Variants in DUSP22 observed in about 807,000 individuals in gnomAD.
The protein encoded by DUSP22 is dual specificity phosphatase 22.
In DUSP22, 24 loss-of-function variants were observed where a neutral mutation model predicts 24.5. That is an observed-to-expected ratio of 0.98 (90% CI 0.71 to 1.38). DUSP22 has a LOEUF of 1.38. DUSP22 is among the 40% of genes most tolerant of loss of function. The probability of loss-of-function intolerance (pLI) is 0.00; values close to 1 mark genes in which losing one functional copy is unlikely to be tolerated. For synonymous variants in DUSP22, 160 were observed against 106.4 expected, an observed-to-expected ratio of 1.50 and a Z score of -3.10; for missense variants, 330 against 269.2, an observed-to-expected ratio of 1.23 and a Z score of -1.58.
intron 2 of DUSP22, 40 bp from the exon 3 acceptor site, chr6:311,840 C>A: frequency 1.3e-6 from 2 of 1,582,510 alleles, no homozygotes; most frequent in Non-Finnish European, 1.7e-6. Context: ...AATTAACTTG[C>A]AAAGATATCA....
At chr6:295,445 A>G (rs1757280809) in intron 1 of DUSP22, among the ~76,000 whole-genome samples, 1 of 152,272 alleles carries the variant, frequency 6.6e-6, no homozygotes, top group African/African-American at 2.4e-5. Flanking sequence ...ATGGAGGGGA[A>G]AAAGGCTTTT....
chr6:332,518 A>G (rs1232091051), intron 3 of DUSP22, among the ~76,000 whole-genome samples: 7 of 152,300 alleles, frequency 4.6e-5, no homozygotes, highest in Admixed American at 3.9e-4. Context: ...GGGTGCCACA[A>G]AGGGGAACAC....
At chr6:315,277 G>C (rs553111219) in intron 3 of DUSP22, among the ~76,000 whole-genome samples, 1 of 152,298 alleles carries the variant, frequency 6.6e-6, no homozygotes, top group African/African-American at 2.4e-5. Context: ...GCTCTGACCC[G>C]TTTCTATGCC....
chr6:320,619 C>T (rs1309959013), intron 3 of DUSP22, among the ~76,000 whole-genome samples: 1 of 152,300 alleles, frequency 6.6e-6, no homozygotes, highest in East Asian at 1.9e-4. Flanking sequence ...GCAAGGGCTG[C>T]ATGGTCATGG....
At chr6:300,911 G>C (rs1295923700) in intron 1 of DUSP22, among the ~76,000 whole-genome samples, 1 of 152,306 alleles carries the variant, frequency 6.6e-6, no homozygotes, top group Non-Finnish European at 1.5e-5. Flanking sequence ...GCTGTAAGTG[G>C]TCAGTGAGAG....
intron 1 of DUSP22, among the ~76,000 whole-genome samples, chr6:295,948 T>A (rs894217001): frequency 2.0e-5 from 3 of 152,282 alleles, no homozygotes; most frequent in Non-Finnish European, 4.4e-5. Context: ...AGAGGTTAGG[T>A]AGCATAAGTA....
At chr6:315,989 G>A (rs1304757971) in intron 3 of DUSP22, among the ~76,000 whole-genome samples, 3 of 152,306 alleles carry the variant, frequency 2.0e-5, no homozygotes, top group Non-Finnish European at 4.4e-5. Context: ...CAGAGAATGA[G>A]ATCCTTCTTC....
Position 350,542 on chromosome 6 carries a change from A to G in DUSP22, c.*1591A>G. On this transcript the variant is annotated 3_prime_UTR_variant, in exon 7 of 7. Coordinates refer to ENST00000419235, the MANE Select transcript of DUSP22 (RefSeq NM_001286555.3). The stretch of plus-strand genomic sequence containing the variant: ...AAGGTGAGCTTTTTGGGGACCGGGA[A>G]AAACAAAGTTGCCTGATTCCGCGCA... The G allele has an allele frequency of 1.5e-6, 2 of 1,349,144 alleles. No homozygotes were observed. The highest frequency in any genetic ancestry group is 3.1e-5 in the East Asian group (1 of 32,206). 83.6% of individuals were successfully genotyped at this position (1,349,144 alleles called of 1,614,324 possible). A position where few individuals can be genotyped will look rare whatever the true frequency, so the allele number is the denominator to read the frequency against.
chr6:318,917 G>T (rs547499542), intron 3 of DUSP22, among the ~76,000 whole-genome samples: 1 of 152,426 alleles, frequency 6.6e-6, no homozygotes, highest in East Asian at 1.9e-4. Flanking sequence ...TAAGTCCACT[G>T]TTAAGAAAAG....
chr6:302,239 C>T (rs560061395), intron 1 of DUSP22, among the ~76,000 whole-genome samples: 30 of 152,418 alleles, frequency 2.0e-4, no homozygotes, highest in Admixed American at 6.5e-4. Flanking sequence ...AGTTAAAACG[C>T]GTAAGATCGT....
At chr6:330,031 A>G (rs1312411884) in intron 3 of DUSP22, among the ~76,000 whole-genome samples, 1 of 152,286 alleles carries the variant, frequency 6.6e-6, no homozygotes, top group Non-Finnish European at 1.5e-5. Context: ...GTGTGAATAC[A>G]GAGTGTGTGT....
At chr6:338,330 AC>A (rs764509281) in intron 4 of DUSP22, among the ~76,000 whole-genome samples, 98 of 152,376 alleles carry the variant, frequency 6.4e-4, no homozygotes, top group South Asian at 1.4e-3. Context: ...GTTTCTTTTT[AC>A]CTGTTACAAG....
At chr6:334,060 C>T (rs1382735399) in intron 3 of DUSP22, among the ~76,000 whole-genome samples, 2 of 152,302 alleles carry the variant, frequency 1.3e-5, no homozygotes, top group Admixed American at 6.5e-5. Flanking sequence ...ATTAAAAATG[C>T]AGAAATTATT....
chr6:303,058 C>T (rs1757657676), intron 1 of DUSP22, among the ~76,000 whole-genome samples: 1 of 152,302 alleles, frequency 6.6e-6, no homozygotes, highest in African/African-American at 2.4e-5. Flanking sequence ...AAGGAGGGGT[C>T]ATTGCACTGC....
intron 3 of DUSP22, among the ~76,000 whole-genome samples, chr6:317,374 A>G (rs1758381390): frequency 6.6e-6 from 1 of 152,304 alleles, no homozygotes; most frequent in South Asian, 2.1e-4. Context: ...TCCCAAATGT[A>G]AAGCAAGCCA....
Position 349,677 on chromosome 6 carries a change from C to T in DUSP22, c.*726C>T. 2 of 986,146 alleles carry T rather than the reference C, an allele frequency of 2.0e-6. No homozygotes were observed. Among genetic ancestry groups the T allele is most frequent in the Non-Finnish European group, 2.4e-6 (2 of 830,400 alleles). The allele number at this position is 986,146 out of a possible 1,614,324, so 61.1% of individuals were successfully genotyped here. ...CCAGTGGGCCAGCACTTTATACCAA[C>T]TCAGCATTTAAGGGAAGTATCTTAG... On this transcript the variant is annotated 3_prime_UTR_variant, in exon 7 of 7. Coordinates refer to ENST00000419235, the MANE Select transcript of DUSP22 (RefSeq NM_001286555.3).
intron 3 of DUSP22, among the ~76,000 whole-genome samples, chr6:312,377 A>G (rs1164351811): frequency 1.3e-5 from 2 of 152,278 alleles, no homozygotes; most frequent in Non-Finnish European, 2.9e-5. Flanking sequence ...TTCAGGGGTC[A>G]CAGAAAACAG....
intron 3 of DUSP22, among the ~76,000 whole-genome samples, chr6:315,232 A>G (rs1312657875): frequency 6.6e-6 from 1 of 152,306 alleles, no homozygotes; most frequent in Non-Finnish European, 1.5e-5. Context: ...CAAGCTCTCT[A>G]GTAAGCCCTA....
At chr6:328,577 C>T (rs1296326036) in intron 3 of DUSP22, among the ~76,000 whole-genome samples, 7 of 152,424 alleles carry the variant, frequency 4.6e-5, no homozygotes, top group African/African-American at 7.2e-5. Context: ...ACTCTGACCT[C>T]CTGCTCCCTC....
Sources: gnomAD v4.1 joint callset for allele counts (sites outside exome capture counted in the v4.1 genomes callset) on GRCh38, gnomAD v4.1.1 for gene constraint, MANE v1.5 for transcripts, NCBI Gene and HGNC (gene_info 2026-07-23, HGNC 2026-07-21) for gene names.